NFAT5: variants seen among roughly 807,000 people sequenced by gnomAD.
NFAT5 encodes the protein nuclear factor of activated T cells 5.
A neutral mutation model predicts 166.5 loss-of-function variants in NFAT5; 31 were observed. The observed-to-expected ratio is 0.19, with a 90% CI of 0.14 to 0.25. NFAT5 has a LOEUF of 0.25. NFAT5 is among the 10% of genes least tolerant of loss of function. The pLI is 1.00. For synonymous variants in NFAT5, 612 were observed against 639.7 expected (o/e 0.96, Z 0.65); for missense variants, 1,449 against 1,821.8 (o/e 0.80, Z 3.72).
chr16:69,606,181 A>G (rs1346679407), intron 2 of NFAT5, among the ~76,000 whole-genome samples: 1 of 152,136 alleles, frequency 6.6e-6, no homozygotes, highest in Non-Finnish European at 1.5e-5. Flanking sequence ...CTCGTCTTTA[A>G]CCTCTTGCAA....
rs185454534 is a variant in NFAT5 at position 69,640,677 on chromosome 16, G to A, written c.254-6351G>A. On this transcript the variant is annotated intron_variant, in intron 3 of 14. Coordinates refer to ENST00000349945, the MANE Select transcript of NFAT5 (RefSeq NM_138713.4). ...AAATAACGAAGGTTGAACATTATGT[G>A]TTTTAGATCAGAAATAGTTTCTGGC... Among the ~76,000 whole-genome samples the A allele has an allele frequency of 4.6e-3, 701 of 152,284 alleles. 4 individuals carry two copies. The highest frequency in any genetic ancestry group is 8.2e-3 in the Admixed American group (126 of 15,304).
chr16:69,616,254 G>A (rs949140629), intron 2 of NFAT5, among the ~76,000 whole-genome samples: 2 of 151,368 alleles, frequency 1.3e-5, no homozygotes, highest in African/African-American at 2.4e-5. Flanking sequence ...GTAACTCCCC[G>A]TGCTGGGCTC....
At position 69,699,318 on chromosome 16, in the gene NFAT5, T is replaced by C. The variant is rs1215965763; in HGVS notation, c.*2967T>C. ...AAGTCACTGGGACCAATTTTCTGTT[T>C]TATAATATCTAAGTTTAGAACAGAA... On this transcript the variant is annotated 3_prime_UTR_variant, in exon 15 of 15. Coordinates refer to ENST00000349945, the MANE Select transcript of NFAT5 (RefSeq NM_138713.4). 6.5e-6 allele frequency: 1 copy of C among 152,930 alleles called. No homozygotes were observed. Among genetic ancestry groups the C allele is most frequent in the East Asian group, 1.9e-4 (1 of 5,200 alleles). The allele number at this position is 152,930 out of a possible 1,614,324, so 9.5% of individuals were successfully genotyped here.
chr16:69,625,690 A>G (rs2034423473), intron 2 of NFAT5, among the ~76,000 whole-genome samples: 1 of 152,124 alleles, frequency 6.6e-6, no homozygotes, highest in Non-Finnish European at 1.5e-5. Context: ...TGGAGAAGCC[A>G]ATTTAAAGCT....
At chr16:69,672,726 T>C (rs1242081410) in intron 9 of NFAT5, among the ~76,000 whole-genome samples, 1 of 152,226 alleles carries the variant, frequency 6.6e-6, no homozygotes, top group East Asian at 1.9e-4. Context: ...GTTGTAATCC[T>C]AACTGAAACT....
intron 10 of NFAT5, among the ~76,000 whole-genome samples, chr16:69,680,147 G>C (rs1188944237): frequency 6.6e-6 from 1 of 152,010 alleles, no homozygotes; most frequent in Non-Finnish European, 1.5e-5. Context: ...ATTAATGATA[G>C]TTAAAGCATT....
intron 4 of NFAT5, chr16:69,648,309 A>C (rs1477127243): frequency 1.3e-5 from 13 of 984,212 alleles, no homozygotes; most frequent in African/African-American, 1.7e-5. Flanking sequence ...CATTTTTTAG[A>C]GGATTTTAGA....
intron 7 of NFAT5, among the ~76,000 whole-genome samples, chr16:69,664,373 C>T (rs1291020894): frequency 1.3e-5 from 2 of 152,172 alleles, no homozygotes; most frequent in Non-Finnish European, 2.9e-5. Context: ...CAAGCTCCAC[C>T]TCCGGGGTTC....
At chr16:69,652,575 A>G (rs1449494051) in intron 4 of NFAT5, among the ~76,000 whole-genome samples, 1 of 152,178 alleles carries the variant, frequency 6.6e-6, no homozygotes, top group African/African-American at 2.4e-5. Context: ...TCACACTCCT[A>G]GAAAAGATTG....
chr16:69,599,613 G>C (rs1597379109), intron 2 of NFAT5, among the ~76,000 whole-genome samples: 1 of 152,196 alleles, frequency 6.6e-6, no homozygotes, highest in East Asian at 1.9e-4. Flanking sequence ...AATAAAGCAG[G>C]GTTAGGAGGG....
intron 3 of NFAT5, among the ~76,000 whole-genome samples, chr16:69,642,051 A>G (rs2035236368): frequency 6.6e-6 from 1 of 152,016 alleles, no homozygotes; most frequent in African/African-American, 2.4e-5. Flanking sequence ...GTGGGTTGTG[A>G]TCGTGCCCCT....
chr16:69,578,214 G>A (rs1459165442), intron 2 of NFAT5, among the ~76,000 whole-genome samples: 6 of 152,048 alleles, frequency 3.9e-5, no homozygotes, highest in African/African-American at 9.7e-5. Context: ...GAAATTTTGC[G>A]GGAAGTCCTG....
In NFAT5 at chr16:69,647,366, C is replaced by G; in HGVS notation, c.592C>G (p.Pro198Ala). The change falls in exon 4 of 15, where the codon CCC becomes GCC. Residue 198 changes from proline (P) to alanine (A), a missense_variant. Physicochemically the swap from Pro to Ala is conservative, Grantham distance 27. Transcript: ENST00000349945. This position sits in a 1 kb window ranked among gnomAD's most constrained non-coding sequence, Gnocchi z 4.8. ...QSCSMWMEDS[P>A]SNFSNMSTSS... ...CTGCAGTATGTGGATGGAGGATTCC[C>G]CCTCCAACTTCAGTAACATGAGCAC... The G allele has an allele frequency of 6.2e-7, 1 of 1,613,730 alleles. No individual in the cohort carries two copies. The highest frequency in any genetic ancestry group is 8.5e-7 in the Non-Finnish European group (1 of 1,179,692).
intron 3 of NFAT5, chr16:69,646,644 T>A: frequency 3.6e-6 from 2 of 551,818 alleles, no homozygotes; most frequent in South Asian, 2.5e-5. Context: ...TATAATGAAT[T>A]ATTTAATTGG....
At chr16:69,679,974 C>T (rs1324397032) in intron 10 of NFAT5, among the ~76,000 whole-genome samples, 8 of 152,090 alleles carry the variant, frequency 5.3e-5, no homozygotes, top group Middle Eastern at 3.4e-3. Context: ...AAAAATTAGC[C>T]GGGCGCGGTG....
Position 69,599,933 on chromosome 16 carries a change from G to A in NFAT5, c.128-26470G>A, listed in dbSNP as rs779612184. 2.0e-5 allele frequency among the ~76,000 whole-genome samples: 3 copies of A among 152,194 alleles called. No homozygotes were observed. In the South Asian group the frequency reaches 6.2e-4, roughly 32 times the overall value. Reference sequence around the variant, plus strand: ...TGGGTTTTATGCTGAGATGGGTGCTGAGGAGTGATGTCATCTGAATTAGGT... The same window carrying A: ...TGGGTTTTATGCTGAGATGGGTGCTAAGGAGTGATGTCATCTGAATTAGGT... On this transcript the variant is annotated intron_variant, in intron 2 of 14. Coordinates refer to ENST00000349945, the MANE Select transcript of NFAT5 (RefSeq NM_138713.4).
intron 3 of NFAT5, among the ~76,000 whole-genome samples, chr16:69,630,364 T>C (rs1467572047): frequency 1.3e-5 from 2 of 151,970 alleles, no homozygotes; most frequent in African/African-American, 4.8e-5. Flanking sequence ...TGTAGAGTTG[T>C]CTTGCTGTGT....
At chr16:69,591,318 G>A (rs1177391547) in intron 2 of NFAT5, among the ~76,000 whole-genome samples, 2 of 137,000 alleles carry the variant, frequency 1.5e-5, no homozygotes, top group South Asian at 5.2e-4. Flanking sequence ...TTCTTACTCC[G>A]AGGATGAAGA....
At chr16:69,689,693 T>C (rs2037472609) in intron 11 of NFAT5, among the ~76,000 whole-genome samples, 1 of 152,178 alleles carries the variant, frequency 6.6e-6, no homozygotes, top group South Asian at 2.1e-4. Flanking sequence ...TACAGGCATG[T>C]GCCACCATGC....
Sources: gnomAD v4.1 joint callset for allele counts (sites outside exome capture counted in the v4.1 genomes callset) on GRCh38, gnomAD v4.1.1 for gene constraint, Gnocchi (gnomAD v3.1) non-coding constraint, MANE v1.5 for transcripts, NCBI Gene and HGNC (gene_info 2026-07-23, HGNC 2026-07-21) for gene names.